The following HIGD2A variants were observed in gnomAD, a reference collection of about 807,000 sequenced individuals.
The protein encoded by HIGD2A is HIG1 hypoxia inducible domain family member 2A, also known as HIG1 domain family member 2A, mitochondrial.
HIGD2A carries 4 observed loss-of-function variants against 6.3 expected under a neutral mutation model. That is an observed-to-expected ratio of 0.64 (90% CI 0.31 to 1.46). The LOEUF is 1.46. Ranked by LOEUF, HIGD2A falls within the 40% of genes most tolerant of loss-of-function variation. HIGD2A has a pLI of 0.07. For synonymous variants in HIGD2A, 63 were observed against 59.3 expected (o/e 1.06, Z -0.29); for missense variants, 143 against 144.8 (o/e 0.99, Z 0.06).
Position 176,389,646 on chromosome 5 carries a change from G to A in HIGD2A, c.*149G>A. 1.2e-6 allele frequency: 1 copy of A among 827,468 alleles called. No homozygotes were observed. The highest frequency in any genetic ancestry group is 1.8e-6 in the Non-Finnish European group (1 of 554,034). 51.3% of individuals were successfully genotyped at this position (827,468 alleles called of 1,614,324 possible). On this transcript the variant is annotated 3_prime_UTR_variant, in exon 2 of 2. Coordinates refer to ENST00000274787, the MANE Select transcript of HIGD2A (RefSeq NM_138820.4). ...AGTGACCCTTTGTGTAACTGTAACC[G>A]AAAGTTTTTTCAAAAATCCTAGATG... is the stretch of plus-strand genomic sequence containing the variant.
rs1756141151 is a variant in HIGD2A at position 176,389,037 on chromosome 5, G to C, written c.154+64G>C. On this transcript the variant is annotated intron_variant, in intron 1 of 1. Coordinates refer to ENST00000274787, the MANE Select transcript of HIGD2A (RefSeq NM_138820.4). ...GTGATGTCGGAGGGAAGGAAGTAGAGAAGGACCAGAGCGCTAGCGGGGAGC... is the reference window on the plus strand; with the variant it reads ...GTGATGTCGGAGGGAAGGAAGTAGACAAGGACCAGAGCGCTAGCGGGGAGC... The C allele has an allele frequency of 4.4e-6, 7 of 1,587,716 alleles. No homozygotes were observed. In the Admixed American group the frequency reaches 8.4e-5, roughly 19 times the overall value.
Position 176,389,389 on chromosome 5 carries a change from C to G in HIGD2A, c.213C>G (p.Asn71Lys). 1 of 1,614,156 alleles carries G rather than the reference C, an allele frequency of 6.2e-7. No homozygotes were observed. The highest frequency in any genetic ancestry group is 8.5e-7 in the Non-Finnish European group (1 of 1,180,026). The part of the protein sequence containing the change: ...TYGLYSFHRG[N>K]SQRSQLMMRT... ...GCCTCTACTCCTTCCACCGGGGCAA[C>G]AGCCAGCGCTCTCAGCTCATGATGC... The change falls in exon 2 of 2, where the codon AAC (asparagine) becomes AAG (lysine). Residue 71 changes from asparagine to lysine, a missense_variant. Physicochemically the swap from Asn to Lys is moderately conservative, Grantham distance 94 (BLOSUM62 0). Transcript: ENST00000274787.
intron 1 of HIGD2A, 128 bp from the exon 2 acceptor site, chr5:176,389,203 G>A: frequency 1.3e-5 from 16 of 1,213,504 alleles, no homozygotes; most frequent in Non-Finnish European, 1.9e-5. Context: ...ACCTCGACTC[G>A]ACCTACCCTC....
At chr5:176,389,201 T>TC in intron 1 of HIGD2A, 130 bp from the exon 2 acceptor site, 1 of 1,197,446 alleles carries the variant, frequency 8.4e-7, no homozygotes. Context: ...AGACCTCGAC[T>TC]CGACCTACCC....
rs1311761318 is a variant in HIGD2A, at chr5:176,388,888, G to A, written c.69G>A (p.Gly23=). The A allele has an allele frequency of 1.2e-6, 2 of 1,614,216 alleles. No homozygotes were observed. Among genetic ancestry groups the A allele is most frequent in the Non-Finnish European group, 1.7e-6 (2 of 1,180,048 alleles). The change falls in exon 1 of 2, where the codon GGG becomes GGA. Residue 23 remains glycine (G), a synonymous_variant. Transcript: ENST00000274787. Reference sequence around the variant, plus strand: ...CATCGAAGCCTCCAGTCATTGAGGGGCTGAGCCCCACTGTTTACAGGAATC... The same window carrying A: ...CATCGAAGCCTCCAGTCATTGAGGGACTGAGCCCCACTGTTTACAGGAATC... ...FEPSKPPVIE[G]LSPTVYRNPE...
intron 1 of HIGD2A, 39 bp from the exon 2 acceptor site, chr5:176,389,292 C>T: frequency 6.3e-7 from 1 of 1,588,466 alleles, no homozygotes; most frequent in South Asian, 1.1e-5. Flanking sequence ...CCTGCGGGGC[C>T]CGACCTGCTG....
rs1561787310 is a variant in HIGD2A at position 176,389,502 on chromosome 5, A to G, written c.*5A>G. ...GCTATGAAGTCTCGACCCTAAGCCC[A>G]GGGTCTGGCCTTGAAAGCTCCGCAG... is the stretch of plus-strand genomic sequence containing the variant. On this transcript the variant is annotated 3_prime_UTR_variant, in exon 2 of 2. Transcript: ENST00000274787. The G allele has an allele frequency of 2.5e-6, 4 of 1,610,472 alleles. No homozygotes were observed. The highest frequency in any genetic ancestry group is 1.3e-5 in the African/African-American group (1 of 74,846).
intron 1 of HIGD2A, among the ~76,000 whole-genome samples, 157 bp from the exon 2 acceptor site, chr5:176,389,174 G>A (rs755657940): frequency 6.6e-6 from 1 of 152,116 alleles, no homozygotes; most frequent in East Asian, 1.9e-4. Flanking sequence ...AAGATTGGGA[G>A]GACTCTGTAA....
rs1162590497 is a variant in HIGD2A, at chr5:176,388,937, G to C, written c.118G>C (p.Val40Leu). The change falls in exon 1 of 2, where the codon GTT (valine) becomes CTT (leucine). Residue 40 changes from valine (V) to leucine (L), a missense_variant. Val to Leu is a conservative substitution (Grantham distance 32, BLOSUM62 1). Transcript: ENST00000274787. The stretch of plus-strand genomic sequence containing the variant: ...TCCAGAGAGTTTCAAGGAAAAGTTC[G>C]TTCGCAAGACCCGCGAGAACCCGGT... Reference protein sequence around the residue: ...RNPESFKEKFVRKTRENPVVP... With the variant: ...RNPESFKEKFLRKTRENPVVP... 20 of 1,614,174 alleles carry C rather than the reference G, an allele frequency of 1.2e-5. No individual in the cohort carries two copies. The East Asian group carries it at 4.5e-4, about 36-fold the overall frequency.
At position 176,388,873 on chromosome 5, in the gene HIGD2A, T is replaced by A; in HGVS notation, c.54T>A (p.Pro18=). 6.2e-7 allele frequency: 1 copy of A among 1,614,006 alleles called. No individual in the cohort carries two copies. The highest frequency in any genetic ancestry group is 1.1e-5 in the South Asian group (1 of 91,078). The change falls in exon 1 of 2, where the codon CCT becomes CCA. Residue 18 remains proline, a synonymous_variant. Transcript: ENST00000274787. ...IPEVPFEPSK[P]PVIEGLSPTV... ...AGGTCCCCTTTGAACCATCGAAGCC[T>A]CCAGTCATTGAGGGGCTGAGCCCCA...
chr5:176,389,214 G>C, intron 1 of HIGD2A, 117 bp from the exon 2 acceptor site: 1 of 1,301,466 alleles, frequency 7.7e-7, no homozygotes, highest in Non-Finnish European at 1.1e-6. Context: ...ACCTACCCTC[G>C]CCGCCCTCCC....
chr5:176,388,789 C>T lies in HIGD2A; in HGVS notation c.-31C>T, dbSNP rs756169086. 33 of 1,604,306 alleles carry T rather than the reference C, an allele frequency of 2.1e-5. No homozygotes were observed. The highest frequency in any genetic ancestry group is 8.1e-5 in the African/African-American group (6 of 74,254). On this transcript the variant is annotated 5_prime_UTR_variant, in exon 1 of 2. Transcript: ENST00000274787. ...TTCACCGGGAGGCTGAGGTCGGAGT[C>T]CCGATTTTCTCCTGCTGCTGTGGCC...
rs979827253 is a variant in HIGD2A at position 176,389,068 on chromosome 5, G to A, written c.154+95G>A. ...CCAGAGCGCTAGCGGGGAGCGGAAGGAGAGCGGACTAGAGAAGAGACGAGG... is the reference window on the plus strand; with the variant it reads ...CCAGAGCGCTAGCGGGGAGCGGAAGAAGAGCGGACTAGAGAAGAGACGAGG... On this transcript the variant is annotated intron_variant, in intron 1 of 1. Transcript: ENST00000274787. The A allele has an allele frequency of 3.4e-6, 5 of 1,489,018 alleles. No homozygotes were observed. In the South Asian group the frequency reaches 5.9e-5, roughly 18 times the overall value. The allele number at this position is 1,489,018 out of a possible 1,614,324, so 92.2% of individuals were successfully genotyped here. A position where few individuals can be genotyped will look rare whatever the true frequency, so the allele number is the denominator to read the frequency against.
chr5:176,389,588 T>C lies in HIGD2A; in HGVS notation c.*91T>C. On this transcript the variant is annotated 3_prime_UTR_variant, in exon 2 of 2. Transcript: ENST00000274787. ...CTACCGTGGGACTTACTCCCTCCTC[T>C]CCTTTGAGAGGCCCATGTGTCGCTG... 7.4e-7 allele frequency: 1 copy of C among 1,360,240 alleles called. No individual in the cohort carries two copies. The highest frequency in any genetic ancestry group is 2.4e-5 in the Admixed American group (1 of 41,180). 84.3% of individuals were successfully genotyped at this position (1,360,240 alleles called of 1,614,324 possible).
chr5:176,388,772 G>T lies in HIGD2A; in HGVS notation c.-48G>T. ...CCGCCCCTTTCATGACCTTCACCGG[G>T]AGGCTGAGGTCGGAGTCCCGATTTT... is the stretch of plus-strand genomic sequence containing the variant. On this transcript the variant is annotated 5_prime_UTR_variant, in exon 1 of 2. Coordinates refer to ENST00000274787, the MANE Select transcript of HIGD2A (RefSeq NM_138820.4). 6.3e-7 allele frequency: 1 copy of T among 1,596,006 alleles called. No homozygotes were observed. Among genetic ancestry groups the T allele is most frequent in the Non-Finnish European group, 8.5e-7 (1 of 1,172,030 alleles).
chr5:176,389,561 C>CCCTA lies in HIGD2A; in HGVS notation c.*67_*70dup. 1 of 1,511,526 alleles carries CCCTA rather than the reference C, an allele frequency of 6.6e-7. No homozygotes were observed. The highest frequency in any genetic ancestry group is 2.3e-5 in the East Asian group (1 of 43,606). 93.6% of individuals were successfully genotyped at this position (1,511,526 alleles called of 1,614,324 possible). A position where few individuals can be genotyped will look rare whatever the true frequency, so the allele number is the denominator to read the frequency against. On this transcript the variant is annotated 3_prime_UTR_variant, in exon 2 of 2. Transcript: ENST00000274787. ...CCAAAACCCAGGGAGCAACCACTGG[C>CCCTA]CCTACCGTGGGACTTACTCCCTCCT...
chr5:176,389,381 CG>C lies in HIGD2A; in HGVS notation c.209del (p.Gly70AlafsTer9). ...CACCTACGGCCTCTACTCCTTCCAC[CG>C]GGGCAACAGCCAGCGCTCTCAGCTC... ...ALTYGLYSFH[R>X]GNSQRSQLMM... On this transcript the variant is annotated frameshift_variant, in exon 2 of 2. Coordinates refer to ENST00000274787, the MANE Select transcript of HIGD2A (RefSeq NM_138820.4). LOFTEE classifies it high-confidence loss of function. 1 of 1,614,084 alleles carries C rather than the reference CG, an allele frequency of 6.2e-7. No homozygotes were observed. The highest frequency in any genetic ancestry group is 8.5e-7 in the Non-Finnish European group (1 of 1,179,990).
rs746256904 is a variant in HIGD2A, at chr5:176,388,993, A to G, written c.154+20A>G. 1.2e-6 allele frequency: 2 copies of G among 1,613,748 alleles called. No homozygotes were observed. Among genetic ancestry groups the G allele is most frequent in the East Asian group, 2.2e-5 (1 of 44,860 alleles). ...CCATAGGTAAGTGGGTGCGGTAGGA[A>G]CTGCACAAGGAGAGGACAGTGATGT... On this transcript the variant is annotated intron_variant, in intron 1 of 1. Coordinates refer to ENST00000274787, the MANE Select transcript of HIGD2A (RefSeq NM_138820.4).
Position 176,389,338 on chromosome 5 carries a change from G to A in HIGD2A, c.162G>A (p.Leu54=), listed in dbSNP as rs138607677. The change falls in exon 2 of 2, where the codon CTG becomes CTA. Residue 54 remains leucine, a synonymous_variant. Transcript: ENST00000274787. ...GCTTTGTCCCCTCCTCAGGTTGCCT[G>A]GCCACGGCGGCCGCCCTCACCTACG... ...RENPVVPIGC[L]ATAAALTYGL... is the part of the protein sequence containing the mutation. The A allele has an allele frequency of 1.8e-5, 29 of 1,613,004 alleles. No individual in the cohort carries two copies. The African/African-American group carries it at 3.7e-4, about 21-fold the overall frequency.
Sources: gnomAD v4.1 joint callset for allele counts (sites outside exome capture counted in the v4.1 genomes callset) on GRCh38, gnomAD v4.1.1 for gene constraint, MANE v1.5 for transcripts, NCBI Gene and HGNC (gene_info 2026-07-23, HGNC 2026-07-21) for gene names.